The following CSNK1G2 variants were observed in gnomAD, a reference collection of about 807,000 sequenced individuals.
CSNK1G2 encodes casein kinase I isoform gamma-2.
CSNK1G2 carries 11 observed loss-of-function variants against 48.0 expected under a neutral mutation model. The ratio of observed to expected loss-of-function variants is 0.23; its 90% CI spans 0.14 to 0.38. The LOEUF (loss-of-function observed/expected upper bound fraction) is 0.38. Ranked by LOEUF, CSNK1G2 falls within the 10% of genes least tolerant of loss-of-function variation. The pLI is 1.00. For synonymous variants in CSNK1G2, 337 were observed against 254.1 expected (o/e 1.33, Z -3.10); for missense variants, 446 against 595.5 (o/e 0.75, Z 2.61).
intron 1 of CSNK1G2, among the ~76,000 whole-genome samples, chr19:1,948,949 T>C (rs1467349674): frequency 1.3e-5 from 2 of 152,150 alleles, no homozygotes; most frequent in African/African-American, 4.8e-5. Flanking sequence ...TGTTTGCTCT[T>C]CACGCAGTGG....
At chr19:1,948,684 G>C (rs531633857) in intron 1 of CSNK1G2, among the ~76,000 whole-genome samples, 3 of 152,176 alleles carry the variant, frequency 2.0e-5, no homozygotes, top group Admixed American at 2.0e-4. Flanking sequence ...ACGTGTGCAC[G>C]CAAGTGGTTT....
In CSNK1G2 at chr19:1,980,270, C is replaced by T. The variant is rs771889714; in HGVS notation, c.*67C>T. 3.9e-5 allele frequency: 61 copies of T among 1,579,494 alleles called. No homozygotes were observed. In the African/African-American group the frequency reaches 6.6e-4, roughly 17 times the overall value. Reference sequence around the variant, plus strand: ...CCTTGGGGCGCGACCTTGTGCGAGGCCCTCGGGGCCCACCCACAGCGGCCC... The same window carrying T: ...CCTTGGGGCGCGACCTTGTGCGAGGTCCTCGGGGCCCACCCACAGCGGCCC... On this transcript the variant is annotated 3_prime_UTR_variant, in exon 12 of 12. Transcript: ENST00000255641.
chr19:1,974,410 T>C (rs562686437), intron 2 of CSNK1G2, among the ~76,000 whole-genome samples: 177 of 152,280 alleles, frequency 1.2e-3, no homozygotes, highest in Non-Finnish European at 2.1e-3. Context: ...GGGCAGCGAC[T>C]CAGATCCTCT....
chr19:1,964,333 A>G (rs1330094377), intron 1 of CSNK1G2, among the ~76,000 whole-genome samples: 1 of 151,394 alleles, frequency 6.6e-6, no homozygotes, highest in Non-Finnish European at 1.5e-5. Flanking sequence ...GGTGAAAAGG[A>G]TTAAGTGTTC....
intron 1 of CSNK1G2, among the ~76,000 whole-genome samples, chr19:1,942,880 C>A (rs2014420506): frequency 6.6e-6 from 1 of 152,206 alleles, no homozygotes; most frequent in Non-Finnish European, 1.5e-5. Context: ...ACGAAACGCT[C>A]TGGGCTGGGC....
chr19:1,967,969 GCTCCTCC>G (rs760058270), intron 1 of CSNK1G2, among the ~76,000 whole-genome samples: 905 of 14,062 alleles, frequency 0.064, 184 homozygotes, highest in African/African-American at 0.37. Flanking sequence ...TGCAGGTGGG[GCTCCTCC>G]CTCCTCCCCA....
rs529791525 is a variant in CSNK1G2 at position 1,952,352 on chromosome 19, T to C, written c.-266+10934T>C. 1.5e-4 allele frequency among the ~76,000 whole-genome samples: 23 copies of C among 151,996 alleles called. No individual in the cohort carries two copies. In the South Asian group the frequency reaches 4.6e-3, roughly 30 times the overall value. ...TTTTTTTTTTTCTTGAGACAGAGTC[T>C]TGCTCTGTCGCTCAGGCTGGAGTGC... On this transcript the variant is annotated intron_variant, in intron 1 of 11. Coordinates refer to ENST00000255641, the MANE Select transcript of CSNK1G2 (RefSeq NM_001319.7).
In CSNK1G2 at chr19:1,979,983, G is replaced by A. The variant is rs1158913812; in HGVS notation, c.1159G>A (p.Ala387Thr). 3 of 1,588,348 alleles carry A rather than the reference G, an allele frequency of 1.9e-6. No individual in the cohort carries two copies. Among genetic ancestry groups the A allele is most frequent in the Non-Finnish European group, 2.6e-6 (3 of 1,166,266 alleles). ...TAGHSNAPIT[A>T]PAEVEVADET... ...CGGCCACTCCAACGCCCCGATCACA[G>A]CGCCTGCAGAGGTGGAGGTGGCCGA... Residue 387 changes from alanine to threonine, a missense_variant, in exon 11 of 12, where the codon GCG becomes ACG. Ala to Thr is a moderately conservative substitution (Grantham distance 58). Around this residue, in one of 2 missense-constraint regions of CSNK1G2, gnomAD observed 188 missense variants for 179.6 expected, o/e 1.05. Transcript: ENST00000255641.
In CSNK1G2 at chr19:1,957,849, G is replaced by GT. The variant is rs1329696828; in HGVS notation, c.-265-11656dup. Among the ~76,000 whole-genome samples, 1 of 151,974 alleles carries GT rather than the reference G, an allele frequency of 6.6e-6. No individual in the cohort carries two copies. The highest frequency in any genetic ancestry group is 1.9e-4 in the East Asian group (1 of 5,172). On this transcript the variant is annotated intron_variant, in intron 1 of 11. Coordinates refer to ENST00000255641, the MANE Select transcript of CSNK1G2 (RefSeq NM_001319.7). The surrounding 1 kb of genome is among the most constrained non-coding windows in gnomAD (Gnocchi z 5.4). ...GTGGGGTGGGAGCTAGGCGGGCGCC[G>GT]TTTATGTGGGGTGGGCGCTCGGCGG...
At chr19:1,944,085 G>T (rs113005968) in intron 1 of CSNK1G2, among the ~76,000 whole-genome samples, 1 of 152,100 alleles carries the variant, frequency 6.6e-6, no homozygotes, top group Non-Finnish European at 1.5e-5. Context: ...CGGTGGTGGC[G>T]GGCAGCTGTG....
At chr19:1,958,274 C>G (rs910684990) in intron 1 of CSNK1G2, among the ~76,000 whole-genome samples, 1 of 151,942 alleles carries the variant, frequency 6.6e-6, no homozygotes, top group Non-Finnish European at 1.5e-5. Context: ...CGCTGGGCCT[C>G]GCTTCGTCCT....
In CSNK1G2 at chr19:1,965,192, G is replaced by A. The variant is rs190685117; in HGVS notation, c.-265-4316G>A. ...GGGCAGATCACGAGGTCAGGAGATC[G>A]AGACCACAGTGAAACCGCGTCTCTA... is the stretch of plus-strand genomic sequence containing the variant. On this transcript the variant is annotated intron_variant, in intron 1 of 11. Transcript: ENST00000255641. Among the ~76,000 whole-genome samples the A allele has an allele frequency of 1.4e-3, 214 of 148,912 alleles. 5 individuals carry two copies. The East Asian group carries it at 0.038, about 27-fold the overall frequency.
rs537021160 is a variant in CSNK1G2 at position 1,969,652 on chromosome 19, C to T, written c.-121C>T. The stretch of plus-strand genomic sequence containing the variant: ...TCAGTAGCTGGGAGCCACGGGCCCA[C>T]GCCCGCCCACCGGCCGCAGTGATGT... On this transcript the variant is annotated 5_prime_UTR_variant, in exon 2 of 12. It adds an upstream start codon to the 5' untranslated region. Transcript: ENST00000255641. The T allele has an allele frequency of 3.8e-5, 35 of 915,224 alleles. No homozygotes were observed. The highest frequency in any genetic ancestry group is 3.3e-4 in the African/African-American group (19 of 57,758). The allele number at this position is 915,224 out of a possible 1,614,324, so 56.7% of individuals were successfully genotyped here.
rs570271242 is a variant in CSNK1G2, at chr19:1,953,393, G to A, written c.-266+11975G>A. ...GGGTGGGGGTGTTCTCACTTCCCCC[G>A]GAGTCTGGAAGGCCGTCTTTGTGAT... On this transcript the variant is annotated intron_variant, in intron 1 of 11. Transcript: ENST00000255641. 1.4e-4 allele frequency: 73 copies of A among 534,312 alleles called. 2 individuals carry two copies. The highest frequency in any genetic ancestry group is 6.0e-4 in the South Asian group (43 of 71,576). 33.1% of individuals were successfully genotyped at this position (534,312 alleles called of 1,614,324 possible).
intron 1 of CSNK1G2, among the ~76,000 whole-genome samples, chr19:1,960,246 C>A (rs961463799): frequency 6.6e-6 from 1 of 152,212 alleles, no homozygotes; most frequent in Non-Finnish European, 1.5e-5. Context: ...CAGGGAAGGT[C>A]CCCCGGATGG....
chr19:1,964,290 G>T (rs1254909421), intron 1 of CSNK1G2, among the ~76,000 whole-genome samples: 1 of 141,188 alleles, frequency 7.1e-6, no homozygotes, highest in Non-Finnish European at 1.5e-5. Context: ...GAGACCCTGT[G>T]TTAAAAAAAA....
chr19:1,946,518 C>G (rs1211773449), intron 1 of CSNK1G2, among the ~76,000 whole-genome samples: 1 of 150,906 alleles, frequency 6.6e-6, no homozygotes, highest in Non-Finnish European at 1.5e-5. Flanking sequence ...GTCTCGATCT[C>G]CTGACCTCGT....
At chr19:1,953,717 C>A in intron 1 of CSNK1G2, 1 of 389,548 alleles carries the variant, frequency 2.6e-6, no homozygotes, top group Non-Finnish European at 5.2e-6. Flanking sequence ...GCCTCGCCGT[C>A]CCCCACATCC....
At chr19:1,947,239 A>G (rs1292873135) in intron 1 of CSNK1G2, among the ~76,000 whole-genome samples, 1 of 152,200 alleles carries the variant, frequency 6.6e-6, no homozygotes, top group African/African-American at 2.4e-5. Flanking sequence ...ATTCGTGGAC[A>G]GAGTCCCTGC....
Sources: gnomAD v4.1 joint callset for allele counts (sites outside exome capture counted in the v4.1 genomes callset) on GRCh38, gnomAD v4.1.1 for gene constraint, gnomAD v4.1.1 regional missense constraint, Gnocchi (gnomAD v3.1) non-coding constraint, MANE v1.5 for transcripts, NCBI Gene and HGNC (gene_info 2026-07-23, HGNC 2026-07-21) for gene names.